ABCA1: variants seen among roughly 807,000 people sequenced by gnomAD.
ABCA1 encodes phospholipid-transporting ATPase ABCA1.
Under a neutral mutation model 262.5 loss-of-function variants are expected in ABCA1, and 133 were observed. The ratio of observed to expected loss-of-function variants is 0.51; its 90% CI spans 0.44 to 0.59. The LOEUF (loss-of-function observed/expected upper bound fraction) is 0.59. Among genes scored for constraint, ABCA1 ranks in the 20% least tolerant of loss-of-function variants. The pLI is 0.00. For missense variants in ABCA1, 2,452 were observed against 2,777.5 expected, an observed-to-expected ratio of 0.88 and a Z score of 2.63; for synonymous variants, 1,022 against 1,043.5, an observed-to-expected ratio of 0.98 and a Z score of 0.40.
At chr9:104,865,515 CAA>C (rs925876847) in intron 5 of ABCA1, among the ~76,000 whole-genome samples, 127 of 66,886 alleles carry the variant, frequency 1.9e-3, no homozygotes, top group African/African-American at 5.1e-3. Flanking sequence ...GACTCTGTCT[CAA>C]AAAAAAAAAA....
intron 14 of ABCA1, among the ~76,000 whole-genome samples, chr9:104,830,006 G>C (rs1291600212): frequency 6.6e-6 from 1 of 151,112 alleles, no homozygotes; most frequent in Non-Finnish European, 1.5e-5. Context: ...ACCAACCACA[G>C]AGAATAAGAG....
chr9:104,838,406 G>A (rs1045888578), intron 9 of ABCA1, among the ~76,000 whole-genome samples: 9 of 150,180 alleles, frequency 6.0e-5, no homozygotes, highest in Admixed American at 1.3e-4. Flanking sequence ...TCAGGAGATC[G>A]AGACCATCCT....
chr9:104,840,151 A>T (rs1834235356), intron 9 of ABCA1, 128 bp downstream of exon 9: 1 of 1,513,716 alleles, frequency 6.6e-7, no homozygotes, highest in East Asian at 2.3e-5. Flanking sequence ...GGAAGAGCTC[A>T]GTCTGGTGGG....
intron 5 of ABCA1, among the ~76,000 whole-genome samples, chr9:104,882,056 A>AAAAAAAAAAAAC (rs910844455): frequency 6.9e-6 from 1 of 144,538 alleles, no homozygotes; most frequent in Non-Finnish European, 1.5e-5. Context: ...AAAAAAAAAA[A>AAAAAAAAAAAAC]ACTCAAATCT....
intron 40 of ABCA1, among the ~76,000 whole-genome samples, chr9:104,793,615 C>A (rs1829618993): frequency 6.6e-6 from 1 of 151,814 alleles, no homozygotes; most frequent in Non-Finnish European, 1.5e-5. Flanking sequence ...GCAAACGACC[C>A]AAGTAATTTT....
intron 48 of ABCA1, among the ~76,000 whole-genome samples, chr9:104,785,865 C>T (rs1297074385): frequency 6.6e-6 from 1 of 152,186 alleles, no homozygotes; most frequent in Non-Finnish European, 1.5e-5. Context: ...CTCACCTGGA[C>T]CCATGAAGTC....
intron 7 of ABCA1, among the ~76,000 whole-genome samples, chr9:104,857,032 C>T (rs1259476613): frequency 6.6e-6 from 1 of 152,040 alleles, no homozygotes; most frequent in East Asian, 2.0e-4. Flanking sequence ...GGACCAGGCA[C>T]GGTGACTCAT....
chr9:104,821,472 C>T lies in ABCA1; in HGVS notation c.2863G>A (p.Gly955Ser), dbSNP rs1235903426. The change falls in exon 20 of 50, where the codon GGC becomes AGC. Residue 955 changes from glycine to serine, a missense_variant. Coordinates refer to ENST00000374736, the MANE Select transcript of ABCA1 (RefSeq NM_005502.4). Reference sequence around the variant, plus strand: ...TCTTTTCCCAGGATGTAGGCGGTGCCCGAGGTCGGGGGGAACAACCCGGTC... The same window carrying T: ...TCTTTTCCCAGGATGTAGGCGGTGCTCGAGGTCGGGGGGAACAACCCGGTC... ...ILTGLFPPTS[G>S]TAYILGKDIR... 6.2e-7 allele frequency: 1 copy of T among 1,614,060 alleles called. No homozygotes were observed. The highest frequency in any genetic ancestry group is 1.7e-5 in the Admixed American group (1 of 60,020).
intron 1 of ABCA1, among the ~76,000 whole-genome samples, chr9:104,915,780 T>G (rs1841806391): frequency 6.6e-6 from 1 of 152,206 alleles, no homozygotes; most frequent in Non-Finnish European, 1.5e-5. Flanking sequence ...AACTGTAGTT[T>G]TGAAAAATTC....
intron 1 of ABCA1, among the ~76,000 whole-genome samples, chr9:104,907,697 C>T (rs1048951870): frequency 1.2e-4 from 19 of 152,312 alleles, no homozygotes; most frequent in African/African-American, 4.1e-4. Context: ...ACTCCTGGGA[C>T]ATCCTGAAAA....
intron 1 of ABCA1, among the ~76,000 whole-genome samples, chr9:104,924,889 A>G (rs548194809): frequency 5.8e-4 from 89 of 152,336 alleles, no homozygotes; most frequent in Admixed American, 5.8e-3. Context: ...TCCTCTCCAA[A>G]AAGGTAAGTA....
chr9:104,902,205 AAT>A (rs1840722966), intron 2 of ABCA1, among the ~76,000 whole-genome samples: 2 of 152,344 alleles, frequency 1.3e-5, no homozygotes, highest in Admixed American at 1.3e-4. Context: ...AACAAAGTCT[AAT>A]AAACACATAT....
chr9:104,925,625 G>A (rs2515610), intron 1 of ABCA1, among the ~76,000 whole-genome samples: 4 of 151,858 alleles, frequency 2.6e-5, no homozygotes, highest in Admixed American at 2.6e-4. Context: ...CCACTTCCCC[G>A]GTCCTTCTGA....
chr9:104,889,104 T>G lies in ABCA1; in HGVS notation c.158A>C (p.Glu53Ala), dbSNP rs1051504651. The G allele has an allele frequency of 6.2e-7, 1 of 1,613,564 alleles. No homozygotes were observed. The highest frequency in any genetic ancestry group is 8.5e-7 in the Non-Finnish European group (1 of 1,179,512). ...AGGCAACATCCACAGTTACTTACAT[T>G]CATGTTGTTCATAGGGTGGGTAGCT... is the stretch of plus-strand genomic sequence containing the variant. ...RLSYPPYEQH[E>A]CHFPNKAMPS... is the part of the protein sequence containing the mutation. Residue 53 changes from glutamate (E) to alanine (A), a missense_variant and splice_region_variant, in exon 3 of 50, where the codon GAA becomes GCA. Glu to Ala is a moderately radical substitution (Grantham distance 107). Coordinates refer to ENST00000374736, the MANE Select transcript of ABCA1 (RefSeq NM_005502.4).
At position 104,796,201 on chromosome 9, in the gene ABCA1, T is replaced by G; in HGVS notation, c.5238-4A>C. 1 of 1,614,154 alleles carries G rather than the reference T, an allele frequency of 6.2e-7. No individual in the cohort carries two copies. The highest frequency in any genetic ancestry group is 1.1e-5 in the South Asian group (1 of 91,082). On this transcript the variant is annotated splice_region_variant and splice_polypyrimidine_tract_variant and intron_variant, in intron 38 of 49. Transcript: ENST00000374736. ...CATGAGAGGTGTGATTGACCACCTG[T>G]TGAGACACAAAAAGATAAGTGTCTA...
intron 2 of ABCA1, chr9:104,889,473 A>G (rs1367973671): frequency 2.2e-5 from 17 of 762,664 alleles, no homozygotes; most frequent in Non-Finnish European, 2.6e-5. Context: ...TCATCGTGGC[A>G]TAATTTCCTT....
chr9:104,830,621 C>G (rs1231007209), intron 14 of ABCA1, among the ~76,000 whole-genome samples: 1 of 151,300 alleles, frequency 6.6e-6, no homozygotes, highest in Admixed American at 6.6e-5. Flanking sequence ...ACCCGGGAGG[C>G]AAAGGTTGCA....
In ABCA1 at chr9:104,791,884, G is replaced by C. The variant is rs1732674857; in HGVS notation, c.5820+52C>G. On this transcript the variant is annotated intron_variant, in intron 43 of 49. Coordinates refer to ENST00000374736, the MANE Select transcript of ABCA1 (RefSeq NM_005502.4). ...ACGAGCATCGTTGCTTGATTGGGTA[G>C]AGATAGTCTGAACTAATAGGGACAA... 7.0e-6 allele frequency: 11 copies of C among 1,562,688 alleles called. No individual in the cohort carries two copies. The South Asian group carries it at 1.0e-4, about 14-fold the overall frequency.
chr9:104,926,408 T>A (rs908725134), intron 1 of ABCA1, among the ~76,000 whole-genome samples: 14 of 145,926 alleles, frequency 9.6e-5, no homozygotes, highest in African/African-American at 3.6e-4. Context: ...CCAAGAACCT[T>A]CCTGCTTTAC....
Sources: allele counts gnomAD v4.1 joint callset (sites outside exome capture counted in the v4.1 genomes callset), GRCh38; gene constraint gnomAD v4.1.1; transcripts MANE v1.5; gene names NCBI Gene and HGNC (gene_info 2026-07-23, HGNC 2026-07-21).